Variants in EHBP1 observed in about 807,000 individuals in gnomAD.
The protein encoded by EHBP1 is EH domain binding protein 1.
Under a neutral mutation model 144.0 loss-of-function variants are expected in EHBP1, and 55 were observed. The ratio of observed to expected loss-of-function variants is 0.38; its 90% confidence interval spans 0.31 to 0.48. EHBP1 has a LOEUF of 0.48. Ranked by LOEUF, EHBP1 falls within the 20% of genes least tolerant of loss-of-function variation. The pLI is 0.98. For missense variants in EHBP1, 1,200 were observed against 1,364.2 expected (o/e 0.88, Z 1.90); for synonymous variants, 469 against 472.7 (o/e 0.99, Z 0.10).
intron 6 of EHBP1, among the ~76,000 whole-genome samples, chr2:62,828,486 A>G (rs776596900): frequency 3.7e-4 from 57 of 152,312 alleles, no homozygotes; most frequent in Admixed American, 1.0e-3. Flanking sequence ...ACAATCATCC[A>G]AGGTAGTTTT....
chr2:62,809,701 G>A (rs2044826638), intron 5 of EHBP1, among the ~76,000 whole-genome samples: 1 of 152,068 alleles, frequency 6.6e-6, no homozygotes, highest in African/African-American at 2.4e-5. Context: ...CCATCTTTAT[G>A]TCCATGTGTA....
At chr2:63,006,871 A>G (rs2060060660) in intron 19 of EHBP1, among the ~76,000 whole-genome samples, 1 of 151,806 alleles carries the variant, frequency 6.6e-6, no homozygotes, top group African/African-American at 2.4e-5. Flanking sequence ...ATTTCTGTAT[A>G]TTTAAATATT....
chr2:63,045,018 G>A lies in EHBP1; in HGVS notation c.3278-48G>A. On this transcript the variant is annotated intron_variant, in intron 21 of 22. Transcript: ENST00000431489. The surrounding 1 kb of genome is among the most constrained non-coding windows in gnomAD (Gnocchi z 5.7). Reference sequence around the variant, plus strand: ...CGGGAAGGGGAGGGCGGGGGGCCGGGTGTTCGGAGGCCCTGCCGGTGGGTA... The same window carrying A: ...CGGGAAGGGGAGGGCGGGGGGCCGGATGTTCGGAGGCCCTGCCGGTGGGTA... 1 of 1,396,902 alleles carries A rather than the reference G, an allele frequency of 7.2e-7. No individual in the cohort carries two copies. Among genetic ancestry groups the A allele is most frequent in the South Asian group, 1.2e-5 (1 of 80,508 alleles). The allele number at this position is 1,396,902 out of a possible 1,614,324, so 86.5% of individuals were successfully genotyped here. A position where few individuals can be genotyped will look rare whatever the true frequency, so the allele number is the denominator to read the frequency against.
intron 15 of EHBP1, among the ~76,000 whole-genome samples, chr2:62,983,592 G>A (rs1410404390): frequency 6.6e-6 from 1 of 152,176 alleles, no homozygotes; most frequent in Non-Finnish European, 1.5e-5. Flanking sequence ...CCAAGCTGGA[G>A]TGCAATGGCG....
intron 9 of EHBP1, among the ~76,000 whole-genome samples, chr2:62,866,348 C>G (rs1290742523): frequency 6.6e-6 from 1 of 152,120 alleles, no homozygotes; most frequent in African/African-American, 2.4e-5. Context: ...GTATGACAGC[C>G]AATCAAACAT....
At chr2:62,706,614 A>G (rs747724217) in intron 1 of EHBP1, 1 of 153,124 alleles carries the variant, frequency 6.5e-6, no homozygotes, top group Non-Finnish European at 1.5e-5. Context: ...AGTGATGCTA[A>G]CAGGGGGAGG....
intron 10 of EHBP1, among the ~76,000 whole-genome samples, chr2:62,938,764 T>A (rs888074281): frequency 6.6e-6 from 1 of 151,806 alleles, no homozygotes; most frequent in East Asian, 1.9e-4. Flanking sequence ...ATAGAATATC[T>A]AGGTGTCAAG....
At chr2:62,712,482 C>T (rs1212712776) in intron 2 of EHBP1, among the ~76,000 whole-genome samples, 1 of 152,144 alleles carries the variant, frequency 6.6e-6, no homozygotes, top group Non-Finnish European at 1.5e-5. Flanking sequence ...TGAATGCAAC[C>T]AGCAAGTTTG....
intron 10 of EHBP1, among the ~76,000 whole-genome samples, chr2:62,937,347 G>A (rs1456580618): frequency 6.6e-6 from 1 of 152,196 alleles, no homozygotes; most frequent in Non-Finnish European, 1.5e-5. Flanking sequence ...TAAATTGGAA[G>A]TAAGAGTACC....
Position 62,826,112 on chromosome 2 carries a change from C to T in EHBP1, c.338C>T (p.Ala113Val). ...ENESPSGRRK[A>V]LATSSINMKQ... Reference sequence around the variant, plus strand: ...GAATCCCCTTCTGGTCGAAGGAAAGCTCTTGCTACTAGCAGCATCAATATG... The same window carrying T: ...GAATCCCCTTCTGGTCGAAGGAAAGTTCTTGCTACTAGCAGCATCAATATG... Residue 113 changes from alanine (A) to valine (V), a missense_variant, in exon 6 of 23, where the codon GCT (alanine) becomes GTT (valine). Transcript: ENST00000431489. 9 of 1,508,200 alleles carry T rather than the reference C, an allele frequency of 6.0e-6. No homozygotes were observed. Among genetic ancestry groups the T allele is most frequent in the Non-Finnish European group, 8.0e-6 (9 of 1,128,524 alleles). 93.4% of individuals were successfully genotyped at this position (1,508,200 alleles called of 1,614,324 possible). A position where few individuals can be genotyped will look rare whatever the true frequency, so the allele number is the denominator to read the frequency against.
chr2:62,905,824 A>G (rs527843568), intron 10 of EHBP1, among the ~76,000 whole-genome samples: 4 of 150,530 alleles, frequency 2.7e-5, no homozygotes, highest in African/African-American at 9.7e-5. Flanking sequence ...ACTCCATCTC[A>G]AAAAAAAAAT....
At chr2:62,787,250 A>G (rs892943740) in intron 5 of EHBP1, among the ~76,000 whole-genome samples, 13 of 152,192 alleles carry the variant, frequency 8.5e-5, no homozygotes, top group African/African-American at 3.1e-4. Context: ...GCTGACATAA[A>G]TACTAATTTT....
chr2:62,704,464 C>T (rs1396027728), upstream of EHBP1, among the ~76,000 whole-genome samples: 3 of 152,200 alleles, frequency 2.0e-5, no homozygotes, highest in African/African-American at 7.2e-5. Flanking sequence ...GACCCTAACA[C>T]CTTTCAAGCT....
rs575022442 is a variant in EHBP1, at chr2:62,675,199, A to G, written c.-296+1116A>G. ...TAGAAAGGAGCCATTAAAAGTGAGC[A>G]TGTCTCCAGAGTAGCCTGTAGGGTA... On this transcript the variant is annotated intron_variant, in intron 1 of 22. Transcript: ENST00000405015. Among the ~76,000 whole-genome samples the G allele has an allele frequency of 1.1e-4, 16 of 152,298 alleles. No homozygotes were observed. In the South Asian group the frequency reaches 2.5e-3, roughly 24 times the overall value.
At chr2:62,766,968 A>G (rs2041239843) in intron 4 of EHBP1, among the ~76,000 whole-genome samples, 1 of 151,506 alleles carries the variant, frequency 6.6e-6, no homozygotes, top group African/African-American at 2.4e-5. Context: ...TAAAAAAAAA[A>G]AAAAAAAAAA....
At chr2:62,710,000 A>G (rs770976923) in intron 2 of EHBP1, among the ~76,000 whole-genome samples, 28 of 152,014 alleles carry the variant, frequency 1.8e-4, no homozygotes, top group Non-Finnish European at 3.4e-4. Context: ...TATACCCCCT[A>G]CTCTTCTTGT....
chr2:62,766,005 C>T lies in EHBP1; in HGVS notation c.258+1644C>T, dbSNP rs547238599. On this transcript the variant is annotated intron_variant, in intron 4 of 22. Transcript: ENST00000431489. ...TATTTTTTCCACTTCCCTTTTCTTT[C>T]TACCCTTTCCCTGTTCACCACCACC... 7.9e-5 allele frequency among the ~76,000 whole-genome samples: 12 copies of T among 152,266 alleles called. 2 individuals carry two copies. The South Asian group carries it at 2.5e-3, about 32-fold the overall frequency.
At chr2:62,842,587 G>A (rs2047988338) in intron 7 of EHBP1, among the ~76,000 whole-genome samples, 1 of 152,138 alleles carries the variant, frequency 6.6e-6, no homozygotes, top group Non-Finnish European at 1.5e-5. Flanking sequence ...AGTCTGAGAA[G>A]CCTTTGATGC....
At chr2:62,683,097 C>T (rs905046362) in intron 1 of EHBP1, among the ~76,000 whole-genome samples, 3 of 151,400 alleles carry the variant, frequency 2.0e-5, no homozygotes, top group African/African-American at 7.3e-5. Flanking sequence ...AAATTTTAGG[C>T]TTAGCTGGCT....
Sources: allele counts gnomAD v4.1 joint callset (sites outside exome capture counted in the v4.1 genomes callset), GRCh38; gene constraint gnomAD v4.1.1; non-coding constraint Gnocchi (gnomAD v3.1); transcripts MANE v1.5; gene names NCBI Gene and HGNC (gene_info 2026-07-23, HGNC 2026-07-21).